Variants in BRSK2 observed in about 807,000 individuals in gnomAD.
BRSK2 encodes the protein serine/threonine-protein kinase BRSK2.
A neutral mutation model predicts 83.3 loss-of-function variants in BRSK2; 19 were observed. The ratio of observed to expected loss-of-function variants is 0.23; its 90% CI spans 0.16 to 0.33. The LOEUF (loss-of-function observed/expected upper bound fraction) is 0.33. Ranked by LOEUF, BRSK2 falls within the 10% of genes least tolerant of loss-of-function variation. The pLI is 1.00. For missense variants in BRSK2, 798 were observed against 1,042.3 expected (o/e 0.77, Z 3.23); for synonymous variants, 519 against 435.4 (o/e 1.19, Z -2.39).
At chr11:1,433,682 G>A (rs552418921) in intron 1 of BRSK2, among the ~76,000 whole-genome samples, 17 of 152,336 alleles carry the variant, frequency 1.1e-4, no homozygotes, top group Admixed American at 6.5e-4. Flanking sequence ...GCCTCCAGCC[G>A]CCCTGGATTA....
intron 1 of BRSK2, among the ~76,000 whole-genome samples, chr11:1,421,680 C>A (rs1165098193): frequency 1.3e-5 from 2 of 152,210 alleles, no homozygotes; most frequent in African/African-American, 4.8e-5. Context: ...CTTCCTGCCC[C>A]CTGCCCCAGC....
At chr11:1,424,786 G>A (rs1849009379) in intron 1 of BRSK2, among the ~76,000 whole-genome samples, 1 of 151,926 alleles carries the variant, frequency 6.6e-6, no homozygotes, top group Admixed American at 6.5e-5. Context: ...CTCTGGACCT[G>A]GGCCTCTGCC....
intron 1 of BRSK2, among the ~76,000 whole-genome samples, chr11:1,428,964 C>T (rs1456636309): frequency 6.8e-6 from 1 of 146,378 alleles, no homozygotes; most frequent in East Asian, 2.0e-4. Flanking sequence ...GGTGTGTGCC[C>T]TTGGCGTGTG....
Position 1,390,335 on chromosome 11 carries a change from G to A in BRSK2, c.51G>A (p.Gly17=). 2 of 1,052,908 alleles carry A rather than the reference G, an allele frequency of 1.9e-6. No individual in the cohort carries two copies. The highest frequency in any genetic ancestry group is 3.2e-4 in the Middle Eastern group (1 of 3,132). 65.2% of individuals were successfully genotyped at this position (1,052,908 alleles called of 1,614,324 possible). Residue 17 remains glycine (G), a synonymous_variant, in exon 1 of 20, where the codon GGG becomes GGA. Transcript: ENST00000528841. This position sits in a 1 kb window ranked among gnomAD's most constrained non-coding sequence, Gnocchi z 6.8. ...DGGAQHAQYV[G]PYRLEKTLGK... is the part of the protein sequence containing the mutation. ...GCGCGCAGCACGCGCAGTATGTTGG[G>A]CCCTACCGGCTGGAGAAGACGCTGG... is the stretch of plus-strand genomic sequence containing the variant.
intron 1 of BRSK2, among the ~76,000 whole-genome samples, chr11:1,406,712 G>T (rs1299411053): frequency 6.6e-6 from 1 of 152,222 alleles, no homozygotes; most frequent in Non-Finnish European, 1.5e-5. Context: ...CCGCCTGCTG[G>T]CTGTGCTGCT....
intron 1 of BRSK2, chr11:1,409,278 T>TGCCC (rs1847164062): frequency 2.0e-5 from 3 of 152,272 alleles, no homozygotes; most frequent in Admixed American, 2.0e-4. Context: ...CATGCTCCCG[T>TGCCC]GCCCGCCTCT....
intron 1 of BRSK2, among the ~76,000 whole-genome samples, chr11:1,392,402 G>A (rs1845783434): frequency 6.6e-6 from 1 of 152,232 alleles, no homozygotes; most frequent in South Asian, 2.1e-4. Flanking sequence ...GGCCATTGGT[G>A]TGGACGCGAC....
chr11:1,429,407 G>GGTGTGCACTGGT (rs111520254), intron 1 of BRSK2, among the ~76,000 whole-genome samples: 29,062 of 106,396 alleles, frequency 0.27, 5,298 homozygotes, highest in African/African-American at 0.38. Flanking sequence ...TAGGCACAGG[G>GGTGTGCACTGGT]GTGTGCACGC....
intron 2 of BRSK2, among the ~76,000 whole-genome samples, chr11:1,436,564 C>G (rs947036244): frequency 6.6e-6 from 1 of 152,092 alleles, no homozygotes; most frequent in East Asian, 1.9e-4. Context: ...CGGCTCCATC[C>G]GGTGGTGTCT....
In BRSK2 at chr11:1,459,132, A is replaced by G. The variant is rs941561054; in HGVS notation, c.1940-60A>G. Reference sequence around the variant, plus strand: ...CCATCGAGGCTGTGGGCGTCCAGCCAGAAGGCCCAGGACAGCCTTTCACTC... The same window carrying G: ...CCATCGAGGCTGTGGGCGTCCAGCCGGAAGGCCCAGGACAGCCTTTCACTC... On this transcript the variant is annotated intron_variant, in intron 18 of 19. Coordinates refer to ENST00000528841, the MANE Select transcript of BRSK2 (RefSeq NM_001256627.2). 11 of 1,462,580 alleles carry G rather than the reference A, an allele frequency of 7.5e-6. No homozygotes were observed. The Admixed American group carries it at 2.0e-4, about 26-fold the overall frequency. The allele number at this position is 1,462,580 out of a possible 1,614,324, so 90.6% of individuals were successfully genotyped here.
intron 12 of BRSK2, among the ~76,000 whole-genome samples, chr11:1,447,578 A>G (rs1432639470): frequency 6.8e-6 from 1 of 147,586 alleles, no homozygotes; most frequent in Non-Finnish European, 1.5e-5. Flanking sequence ...CTGGGGACGC[A>G]GGGGTCCTGG....
chr11:1,433,286 C>T (rs1013716341), intron 1 of BRSK2, among the ~76,000 whole-genome samples: 1 of 152,248 alleles, frequency 6.6e-6, no homozygotes, highest in African/African-American at 2.4e-5. Context: ...TGTCCCGGTG[C>T]CCTTGGGGGC....
intron 13 of BRSK2, among the ~76,000 whole-genome samples, chr11:1,450,155 G>A (rs890073814): frequency 4.0e-5 from 6 of 151,366 alleles, no homozygotes; most frequent in African/African-American, 1.5e-4. Flanking sequence ...GTGTGCATGC[G>A]GGGGACTGGG....
At chr11:1,445,255 C>G in intron 9 of BRSK2, 39 bp from the exon 10 acceptor site, 1 of 1,574,078 alleles carries the variant, frequency 6.4e-7, no homozygotes, top group East Asian at 2.3e-5. Flanking sequence ...CCAGGCCCGG[C>G]CGGAGCTGAT....
chr11:1,461,002 A>C lies in BRSK2; in HGVS notation c.*279A>C, dbSNP rs752080689. The C allele has an allele frequency of 2.3e-4, 368 of 1,611,704 alleles. 1 individual carries two copies. The highest frequency in any genetic ancestry group is 3.3e-4 in the Middle Eastern group (2 of 6,074). On this transcript the variant is annotated 3_prime_UTR_variant, in exon 20 of 20. Coordinates refer to ENST00000528841, the MANE Select transcript of BRSK2 (RefSeq NM_001256627.2). ...CCCGAAAAGTTAACATGTCACCTCC[A>C]CGAGGCCATCCTCTGTGACCGAAGG...
At chr11:1,460,459 T>TG (rs745570166) in intron 19 of BRSK2, 41 bp from the exon 20 acceptor site, 68 of 1,064,324 alleles carry the variant, frequency 6.4e-5, no homozygotes, top group Non-Finnish European at 7.4e-5. Flanking sequence ...TTTTCTTTTT[T>TG]CCTTTTTTTT....
chr11:1,448,677 C>T (rs1332600990), intron 12 of BRSK2, among the ~76,000 whole-genome samples: 1 of 152,228 alleles, frequency 6.6e-6, no homozygotes, highest in African/African-American at 2.4e-5. Context: ...GCTCCCAGCT[C>T]AGCCCTGAAA....
chr11:1,410,404 C>T (rs1045973655), intron 1 of BRSK2: 9 of 977,198 alleles, frequency 9.2e-6, no homozygotes, highest in African/African-American at 3.5e-5. Context: ...GGGTTTGTGA[C>T]GTCGGCCTCG....
chr11:1,421,908 C>G (rs1303585013), intron 1 of BRSK2, among the ~76,000 whole-genome samples: 1 of 148,878 alleles, frequency 6.7e-6, no homozygotes, highest in South Asian at 2.2e-4. Context: ...ACCGGGGTCT[C>G]TGCTGGAGAT....
Sources: allele counts gnomAD v4.1 joint callset (sites outside exome capture counted in the v4.1 genomes callset), GRCh38; gene constraint gnomAD v4.1.1; non-coding constraint Gnocchi (gnomAD v3.1); transcripts MANE v1.5; gene names NCBI Gene and HGNC (gene_info 2026-07-23, HGNC 2026-07-21).